The following TMEM131L variants were observed in gnomAD, a reference collection of about 807,000 sequenced individuals.
The protein encoded by TMEM131L is transmembrane protein 131-like.
A neutral mutation model predicts 192.2 loss-of-function variants in TMEM131L; 54 were observed. The ratio of observed to expected loss-of-function variants is 0.28; its 90% CI spans 0.23 to 0.35. TMEM131L has a LOEUF of 0.35. TMEM131L is among the 10% of genes least tolerant of loss of function. TMEM131L has a pLI of 1.00. For synonymous variants in TMEM131L, 701 were observed against 704.9 expected (o/e 0.99, Z 0.09); for missense variants, 1,888 against 1,972.9 (o/e 0.96, Z 0.82).
At chr4:153,571,734 A>T (rs897374623) in intron 7 of TMEM131L, among the ~76,000 whole-genome samples, 2 of 151,854 alleles carry the variant, frequency 1.3e-5, no homozygotes, top group South Asian at 4.2e-4. Flanking sequence ...TAAGTTTTAT[A>T]TTTTTTTGTG....
At chr4:153,538,919 C>CT (rs139050377) in intron 3 of TMEM131L, among the ~76,000 whole-genome samples, 24,866 of 152,054 alleles carry the variant, frequency 0.16, 2,252 homozygotes, top group Middle Eastern at 0.22. Context: ...ACTGCCGGCG[C>CT]GATACTTCGG....
chr4:153,522,124 A>G (rs1032729986), intron 3 of TMEM131L, among the ~76,000 whole-genome samples: 1 of 152,038 alleles, frequency 6.6e-6, no homozygotes, highest in African/African-American at 2.4e-5. Context: ...AATTTTCAAG[A>G]GAGTGAGAAA....
chr4:153,566,886 T>C (rs970945610), intron 7 of TMEM131L, among the ~76,000 whole-genome samples: 2 of 152,236 alleles, frequency 1.3e-5, no homozygotes, highest in South Asian at 4.1e-4. Context: ...TTCCTAACCT[T>C]TTAAAACTGG....
chr4:153,547,899 A>T (rs1737308351), intron 3 of TMEM131L, among the ~76,000 whole-genome samples: 1 of 152,254 alleles, frequency 6.6e-6, no homozygotes, highest in South Asian at 2.1e-4. Context: ...GGTTGTGTAA[A>T]ATCTGATGGC....
At chr4:153,588,284 G>GT (rs199992048) in intron 15 of TMEM131L, among the ~76,000 whole-genome samples, 2,282 of 130,778 alleles carry the variant, frequency 0.017, 68 homozygotes, top group African/African-American at 0.056. Flanking sequence ...TTTTTTTTTT[G>GT]TTTTTTTTGT....
At chr4:153,610,230 G>T (rs184276255) in intron 25 of TMEM131L, among the ~76,000 whole-genome samples, 3 of 152,230 alleles carry the variant, frequency 2.0e-5, no homozygotes, top group African/African-American at 7.2e-5. Context: ...AGAAATTCCC[G>T]GGAAATAGCA....
rs1732006807 is a variant in TMEM131L, at chr4:153,603,693, AACTT to A, written c.2790-106_2790-103del. ...GGAGCTTTGGAAGAAGGGAAGGTAA[AACTT>A]ACACTCAGTACTGATTGCTACCCTT... On this transcript the variant is annotated intron_variant, in intron 24 of 34. Coordinates refer to ENST00000409959, the MANE Select transcript of TMEM131L (RefSeq NM_001131007.2). 31 of 1,267,270 alleles carry A rather than the reference AACTT, an allele frequency of 2.4e-5. No homozygotes were observed. In the South Asian group the frequency reaches 4.4e-4, roughly 18 times the overall value. The allele number at this position is 1,267,270 out of a possible 1,614,324, so 78.5% of individuals were successfully genotyped here.
At chr4:153,539,122 A>C (rs780049702) in intron 3 of TMEM131L, among the ~76,000 whole-genome samples, 7 of 152,216 alleles carry the variant, frequency 4.6e-5, no homozygotes, top group Non-Finnish European at 8.8e-5. Flanking sequence ...TTCTCAAGGA[A>C]AAATTGCTTT....
chr4:153,538,806 C>G (rs17369958), intron 3 of TMEM131L, among the ~76,000 whole-genome samples: 24,804 of 152,216 alleles, frequency 0.16, 2,258 homozygotes, highest in Middle Eastern at 0.22. Context: ...GCCGCTGGCT[C>G]CAGGAAGTCT....
chr4:153,581,372 TTTTTTTCC>T (rs753656380), intron 8 of TMEM131L, 27 bp from the exon 9 acceptor site: 356 of 1,473,650 alleles, frequency 2.4e-4, no homozygotes, highest in Non-Finnish European at 3.1e-4. Flanking sequence ...GAGATGATTT[TTTTTTTCC>T]TTTTTTCCTC....
In TMEM131L at chr4:153,629,460, A is replaced by G. The variant is rs1016850824; in HGVS notation, c.4207+1773A>G. Among the ~76,000 whole-genome samples, 6 of 152,314 alleles carry G rather than the reference A, an allele frequency of 3.9e-5. No homozygotes were observed. The East Asian group carries it at 9.6e-4, about 24-fold the overall frequency. ...TCTCTAATGGGTCATTCTCATCAGCACACAAATCTACTATAATACTTCCCG... is the reference window on the plus strand; with the variant it reads ...TCTCTAATGGGTCATTCTCATCAGCGCACAAATCTACTATAATACTTCCCG... On this transcript the variant is annotated intron_variant, in intron 31 of 34. Coordinates refer to ENST00000409959, the MANE Select transcript of TMEM131L (RefSeq NM_001131007.2).
intron 3 of TMEM131L, among the ~76,000 whole-genome samples, chr4:153,521,201 A>G (rs1318254010): frequency 6.6e-6 from 1 of 152,134 alleles, no homozygotes. Flanking sequence ...AATGTGAATA[A>G]CCATTAGGGA....
At chr4:153,612,023 C>G (rs1732652900) in intron 25 of TMEM131L, among the ~76,000 whole-genome samples, 1 of 151,928 alleles carries the variant, frequency 6.6e-6, no homozygotes, top group Non-Finnish European at 1.5e-5. Context: ...GGTGTCCCCC[C>G]CCACCTTTTT....
chr4:153,572,341 G>GT (rs1729643696), intron 7 of TMEM131L, among the ~76,000 whole-genome samples: 2 of 151,894 alleles, frequency 1.3e-5, no homozygotes, highest in Non-Finnish European at 1.5e-5. Flanking sequence ...GTTTTGTTTT[G>GT]TTTTTTGAGA....
intron 3 of TMEM131L, among the ~76,000 whole-genome samples, chr4:153,515,429 T>C (rs1291550450): frequency 2.6e-5 from 4 of 152,256 alleles, no homozygotes. Flanking sequence ...CTTTATTCCT[T>C]TCTGCTGCCA....
At chr4:153,557,188 TGTC>T in intron 6 of TMEM131L, 106 bp downstream of exon 6, 1 of 667,782 alleles carries the variant, frequency 1.5e-6, no homozygotes. Context: ...ACCTGGTTTA[TGTC>T]GTTAAAATAC....
intron 25 of TMEM131L, 127 bp from the exon 26 acceptor site, chr4:153,612,125 G>T: frequency 1.6e-6 from 1 of 606,952 alleles, no homozygotes; most frequent in African/African-American, 1.9e-5. Context: ...CATCATGGAT[G>T]TTAAAAACAA....
At chr4:153,596,234 A>G (rs756235914) in intron 19 of TMEM131L, 24 bp from the exon 20 acceptor site, 19 of 1,612,414 alleles carry the variant, frequency 1.2e-5, no homozygotes, top group South Asian at 3.3e-5. Flanking sequence ...GGAGTATGAC[A>G]TGGTTTAATT....
In TMEM131L at chr4:153,564,631, G is replaced by A. The variant is rs1310891843; in HGVS notation, c.660+6263G>A. Among the ~76,000 whole-genome samples the A allele has an allele frequency of 3.9e-5, 6 of 152,292 alleles. No homozygotes were observed. The East Asian group carries it at 5.8e-4, about 15-fold the overall frequency. On this transcript the variant is annotated intron_variant, in intron 7 of 34. Coordinates refer to ENST00000409959, the MANE Select transcript of TMEM131L (RefSeq NM_001131007.2). Reference sequence around the variant, plus strand: ...ATTCCTAGTGATGAAAGTCACTGTCGTGGTGGGTCTGAATGACAGGCTGAG... The same window carrying A: ...ATTCCTAGTGATGAAAGTCACTGTCATGGTGGGTCTGAATGACAGGCTGAG...
Sources: gnomAD v4.1 joint callset for allele counts (sites outside exome capture counted in the v4.1 genomes callset) on GRCh38, gnomAD v4.1.1 for gene constraint, MANE v1.5 for transcripts, NCBI Gene and HGNC (gene_info 2026-07-23, HGNC 2026-07-21) for gene names.